Variants in CNTLN observed in about 807,000 individuals in gnomAD.
CNTLN encodes centlein, centrosomal protein.
A neutral mutation model predicts 180.0 loss-of-function variants in CNTLN; 212 were observed. That is an observed-to-expected ratio of 1.18 (90% CI 1.05 to 1.32). CNTLN has a LOEUF of 1.32. Ranked by LOEUF, CNTLN falls within the 40% of genes most tolerant of loss-of-function variation. The probability of loss-of-function intolerance (pLI) is 0.00; values close to 1 mark genes in which losing one functional copy is unlikely to be tolerated. For synonymous variants in CNTLN, 722 were observed against 563.1 expected (o/e 1.28, Z -3.99); for missense variants, 2,095 against 1,610.9 (o/e 1.30, Z -5.14).
chr9:17,262,947 C>T (rs1324532390), intron 5 of CNTLN, among the ~76,000 whole-genome samples: 6 of 151,034 alleles, frequency 4.0e-5, no homozygotes, highest in Non-Finnish European at 2.9e-5. Context: ...AAAAGCTTCT[C>T]TGTGTCTATT....
At chr9:17,286,541 G>A (rs1160090018) in intron 6 of CNTLN, among the ~76,000 whole-genome samples, 5 of 139,216 alleles carry the variant, frequency 3.6e-5, no homozygotes, top group South Asian at 5.1e-4. Flanking sequence ...AATTCTGTGA[G>A]GAAAGTCATT....
At chr9:17,460,389 A>G (rs9969800) in intron 19 of CNTLN, among the ~76,000 whole-genome samples, 116,848 of 151,646 alleles carry the variant, frequency 0.77, 47,616 homozygotes, top group East Asian at 0.89. Context: ...ATCATACATC[A>G]AAGGATGTAT....
chr9:17,441,745 G>A (rs1330433644), intron 18 of CNTLN, among the ~76,000 whole-genome samples: 1 of 152,056 alleles, frequency 6.6e-6, no homozygotes, highest in Non-Finnish European at 1.5e-5. Context: ...CCAGTCAAGA[G>A]ATGGAGAGTT....
At chr9:17,149,089 T>C (rs1360696355) in intron 2 of CNTLN, among the ~76,000 whole-genome samples, 2 of 152,184 alleles carry the variant, frequency 1.3e-5, no homozygotes, top group Admixed American at 1.3e-4. Context: ...GATCTTGTGA[T>C]AGTTTGCTGG....
intron 13 of CNTLN, among the ~76,000 whole-genome samples, chr9:17,368,661 C>T (rs1824038395): frequency 6.6e-6 from 1 of 152,192 alleles, no homozygotes; most frequent in Non-Finnish European, 1.5e-5. Flanking sequence ...GAGAGAGAGA[C>T]TCTGTTTGTT....
At chr9:17,457,375 G>C (rs1200904810) in intron 18 of CNTLN, 149 bp from the exon 19 acceptor site, 1 of 455,818 alleles carries the variant, frequency 2.2e-6, no homozygotes, top group Non-Finnish European at 3.4e-6. Flanking sequence ...TAGAGGTTAA[G>C]ATTTTTGTAA....
chr9:17,494,786 A>G (rs1564152224), intron 25 of CNTLN: 2 of 325,892 alleles, frequency 6.1e-6, no homozygotes, highest in Non-Finnish European at 1.2e-5. Context: ...CACCCATAGA[A>G]AAGTATAGCG....
At chr9:17,410,111 T>A (rs1827726137) in intron 16 of CNTLN, among the ~76,000 whole-genome samples, 1 of 152,164 alleles carries the variant, frequency 6.6e-6, no homozygotes, top group African/African-American at 2.4e-5. Context: ...TCTTCTTTAG[T>A]TACTACCAGA....
chr9:17,299,494 A>G (rs1818200198), intron 7 of CNTLN: 33 of 980,406 alleles, frequency 3.4e-5, no homozygotes, highest in Non-Finnish European at 4.0e-5. Flanking sequence ...TATAATTAAC[A>G]TGAAATTAAT....
At chr9:17,140,235 C>A (rs543652756) in intron 1 of CNTLN, among the ~76,000 whole-genome samples, 3 of 152,162 alleles carry the variant, frequency 2.0e-5, no homozygotes, top group Non-Finnish European at 4.4e-5. Flanking sequence ...GAAAAACTCA[C>A]AAAATTCATA....
chr9:17,475,046 C>T (rs190575187), intron 23 of CNTLN, among the ~76,000 whole-genome samples: 1 of 152,134 alleles, frequency 6.6e-6, no homozygotes, highest in Non-Finnish European at 1.5e-5. Context: ...TCCACTTTAG[C>T]CTTTCTTTCT....
Position 17,320,704 on chromosome 9 carries a change from C to T in CNTLN, c.1342-9928C>T, listed in dbSNP as rs143685996. Among the ~76,000 whole-genome samples the T allele has an allele frequency of 5.5e-3, 833 of 152,108 alleles. 6 individuals carry two copies. The highest frequency in any genetic ancestry group is 0.019 in the African/African-American group (800 of 41,512). ...TTTTAGTAGACACGGGGTTTCACAACGTTGGCCAGGCTGGTCTCGAACTCC... is the reference window on the plus strand; with the variant it reads ...TTTTAGTAGACACGGGGTTTCACAATGTTGGCCAGGCTGGTCTCGAACTCC... On this transcript the variant is annotated intron_variant, in intron 8 of 25. Coordinates refer to ENST00000380647, the MANE Select transcript of CNTLN (RefSeq NM_017738.4).
chr9:17,141,933 T>G (rs1187266190), intron 1 of CNTLN, among the ~76,000 whole-genome samples: 1 of 151,666 alleles, frequency 6.6e-6, no homozygotes, highest in Non-Finnish European at 1.5e-5. Context: ...AATACAAAAA[T>G]TAGCTGGGTG....
At chr9:17,425,184 A>C (rs1828995894) in intron 18 of CNTLN, among the ~76,000 whole-genome samples, 1 of 152,178 alleles carries the variant, frequency 6.6e-6, no homozygotes. Flanking sequence ...TTATTGCTAC[A>C]GACTGAATTG....
At chr9:17,183,547 T>C (rs1039686889) in intron 2 of CNTLN, among the ~76,000 whole-genome samples, 6 of 151,960 alleles carry the variant, frequency 3.9e-5, no homozygotes, top group African/African-American at 1.4e-4. Context: ...CAATAAAAAC[T>C]GTAGTTATGG....
intron 18 of CNTLN, chr9:17,447,020 T>G (rs1249349642): frequency 2.0e-5 from 3 of 153,434 alleles, no homozygotes; most frequent in African/African-American, 7.2e-5. Flanking sequence ...TTAAAATTTA[T>G]GAATGCGGTA....
At chr9:17,294,965 C>G (rs1817755528) in intron 6 of CNTLN, among the ~76,000 whole-genome samples, 1 of 149,600 alleles carries the variant, frequency 6.7e-6, no homozygotes, top group East Asian at 2.1e-4. Context: ...CTGCAGGTCC[C>G]CAGCCCTGCC....
intron 18 of CNTLN, among the ~76,000 whole-genome samples, chr9:17,437,527 G>A (rs1829849613): frequency 6.6e-6 from 1 of 152,092 alleles, no homozygotes; most frequent in Non-Finnish European, 1.5e-5. Context: ...CAATATCAAT[G>A]TTTCAGGAAG....
At chr9:17,274,888 G>A (rs1385111798) in intron 6 of CNTLN, among the ~76,000 whole-genome samples, 3 of 151,944 alleles carry the variant, frequency 2.0e-5, no homozygotes, top group Non-Finnish European at 4.4e-5. Context: ...AATTTAGTTT[G>A]GATGAAAACT....
Sources: gnomAD v4.1 joint callset for allele counts (sites outside exome capture counted in the v4.1 genomes callset) on GRCh38, gnomAD v4.1.1 for gene constraint, MANE v1.5 for transcripts, NCBI Gene and HGNC (gene_info 2026-07-23, HGNC 2026-07-21) for gene names.